Variants in PLD5 observed in about 807,000 individuals in gnomAD.
The protein encoded by PLD5 is inactive phospholipase D5.
PLD5 carries 36 observed loss-of-function variants against 61.1 expected under a neutral mutation model. That is an observed-to-expected ratio of 0.59 (90% CI 0.45 to 0.78). PLD5 has a LOEUF of 0.78. Ranked by LOEUF, PLD5 falls within the 30% of genes least tolerant of loss-of-function variation. PLD5 has a pLI of 0.00. For synonymous variants in PLD5, 243 were observed against 242.8 expected (o/e 1.00, Z -0.01); for missense variants, 515 against 644.4 (o/e 0.80, Z 2.17).
chr1:242,159,999 C>CT (rs201535348), intron 5 of PLD5, among the ~76,000 whole-genome samples: 22 of 150,680 alleles, frequency 1.5e-4, no homozygotes, highest in Non-Finnish European at 2.2e-4. Context: ...TAGCTGAATT[C>CT]TTTTTTTTTC....
chr1:242,089,674 A>C lies in PLD5; in HGVS notation c.*180T>G. 1 of 731,724 alleles carries C rather than the reference A, an allele frequency of 1.4e-6. No individual in the cohort carries two copies. The highest frequency in any genetic ancestry group is 2.1e-6 in the Non-Finnish European group (1 of 465,456). The allele number at this position is 731,724 out of a possible 1,614,324, so 45.3% of individuals were successfully genotyped here. On this transcript the variant is annotated 3_prime_UTR_variant, in exon 10 of 10. Transcript: ENST00000536534. The stretch of plus-strand genomic sequence containing the variant: ...AGAGGTAACAAATACAAAAGTCTTA[A>C]TTTTAGTGTACACGACGCTAAGATA...
At chr1:242,430,301 C>T (rs530648555) in intron 1 of PLD5, among the ~76,000 whole-genome samples, 6 of 152,254 alleles carry the variant, frequency 3.9e-5, no homozygotes, top group African/African-American at 1.4e-4. Flanking sequence ...TCAGTGAGGG[C>T]CCACTTCTGG....
chr1:242,276,729 C>T (rs1674436019), intron 3 of PLD5, among the ~76,000 whole-genome samples: 2 of 151,936 alleles, frequency 1.3e-5, no homozygotes, highest in African/African-American at 4.8e-5. Context: ...ATTGACAGTA[C>T]TCATTTTTTG....
At chr1:242,221,421 T>C (rs1335946763) in intron 4 of PLD5, among the ~76,000 whole-genome samples, 1 of 152,180 alleles carries the variant, frequency 6.6e-6, no homozygotes, top group Non-Finnish European at 1.5e-5. Context: ...CAGGCACACA[T>C]AAGACTGTAT....
At chr1:242,495,063 C>A (rs1440358174) in intron 1 of PLD5, among the ~76,000 whole-genome samples, 1 of 152,062 alleles carries the variant, frequency 6.6e-6, no homozygotes, top group Non-Finnish European at 1.5e-5. Flanking sequence ...ACTATTCTCA[C>A]AAGCACACCA....
At chr1:242,383,335 A>G (rs1301800769) in intron 1 of PLD5, among the ~76,000 whole-genome samples, 1 of 152,068 alleles carries the variant, frequency 6.6e-6, no homozygotes, top group Non-Finnish European at 1.5e-5. Context: ...TATTAATTCA[A>G]TTTATTTTTA....
intron 1 of PLD5, among the ~76,000 whole-genome samples, chr1:242,460,733 T>C (rs577088041): frequency 6.2e-4 from 95 of 152,218 alleles, no homozygotes; most frequent in African/African-American, 2.1e-3. Context: ...AAATTTTCAG[T>C]AATATTTGGG....
chr1:242,524,343 G>C lies in PLD5; in HGVS notation c.-67C>G, dbSNP rs1473647854. On this transcript the variant is annotated 5_prime_UTR_variant, in exon 1 of 10. Coordinates refer to ENST00000536534, the MANE Select transcript of PLD5 (RefSeq NM_001372062.1). ...GACGGGCGCGCGGGGAGCCGGGCGC[G>C]GAGGGCGAGCGGGAGGCCCAGCGGG... The C allele has an allele frequency of 1.5e-6, 2 of 1,329,638 alleles. No homozygotes were observed. The highest frequency in any genetic ancestry group is 3.7e-5 in the South Asian group (2 of 54,208). 82.4% of individuals were successfully genotyped at this position (1,329,638 alleles called of 1,614,324 possible).
chr1:242,165,708 G>T (rs986282942), intron 5 of PLD5, among the ~76,000 whole-genome samples: 7 of 152,144 alleles, frequency 4.6e-5, no homozygotes, highest in Non-Finnish European at 7.3e-5. Context: ...CAAAAGCAGG[G>T]CTCGGTCATC....
At chr1:242,125,080 C>T (rs74357627) in intron 5 of PLD5, among the ~76,000 whole-genome samples, 156 of 152,186 alleles carry the variant, frequency 1.0e-3, no homozygotes, top group African/African-American at 3.4e-3. Flanking sequence ...GTCAGACTGC[C>T]TGGATTGAGG....
chr1:242,207,736 T>TTTTATATATATTTATATATA (rs1481175575), intron 5 of PLD5, among the ~76,000 whole-genome samples: 116 of 97,118 alleles, frequency 1.2e-3, no homozygotes, highest in Non-Finnish European at 1.8e-3. Flanking sequence ...GAAATCGATG[T>TTTTATATATATTTATATATA]TTTATATATA....
intron 5 of PLD5, among the ~76,000 whole-genome samples, chr1:242,201,673 T>C (rs1292047654): frequency 6.6e-6 from 1 of 152,106 alleles, no homozygotes; most frequent in African/African-American, 2.4e-5. Flanking sequence ...TTTTTAATAA[T>C]AAAAATTTAA....
At chr1:242,472,308 A>G (rs144218701) in intron 1 of PLD5, among the ~76,000 whole-genome samples, 1 of 152,194 alleles carries the variant, frequency 6.6e-6, no homozygotes, top group Non-Finnish European at 1.5e-5. Context: ...ATGAATAAGG[A>G]GCACACTTTG....
intron 2 of PLD5, among the ~76,000 whole-genome samples, chr1:242,293,147 AAG>A (rs1675464359): frequency 6.6e-6 from 1 of 152,220 alleles, no homozygotes; most frequent in South Asian, 2.1e-4. Context: ...TTCTTTAAAA[AAG>A]AGAATAGAGT....
At chr1:242,357,489 C>CTT (rs1274414654) in intron 1 of PLD5, among the ~76,000 whole-genome samples, 66 of 139,568 alleles carry the variant, frequency 4.7e-4, no homozygotes, top group African/African-American at 1.6e-3. Flanking sequence ...GACATTTTTT[C>CTT]TTTTTTTTTT....
At chr1:242,143,620 C>T (rs1385114839) in intron 5 of PLD5, among the ~76,000 whole-genome samples, 2 of 152,132 alleles carry the variant, frequency 1.3e-5, no homozygotes, top group South Asian at 2.1e-4. Flanking sequence ...ATATAAACCC[C>T]GAGGAGGGAA....
At chr1:242,449,323 T>C (rs1191929973) in intron 1 of PLD5, 2 of 1,535,940 alleles carry the variant, frequency 1.3e-6, no homozygotes, top group Non-Finnish European at 1.7e-6. Flanking sequence ...GGTAACACAC[T>C]AGGTCTGTAG....
At chr1:242,147,572 T>G (rs2148808405) in intron 5 of PLD5, 1 of 152,348 alleles carries the variant, frequency 6.6e-6, no homozygotes, top group East Asian at 1.9e-4. Flanking sequence ...TATGTTTAAC[T>G]TCTTAAGAAT....
rs141155291 is a variant in PLD5 at position 242,219,989 on chromosome 1, T to C, written c.734A>G (p.Gln245Arg). 4.5e-4 allele frequency: 725 copies of C among 1,613,286 alleles called. 1 individual carries two copies. The highest frequency in any genetic ancestry group is 5.8e-4 in the Admixed American group (35 of 60,020). ...SAGLDWQSLG[Q>R]MKELGVIFYN... The stretch of plus-strand genomic sequence containing the variant: ...GTTTACATAACGTAGAAAGCTTACC[T>C]GTCCCAGGGATTGCCAGTCCAAACC... The change falls in exon 5 of 10, where the codon CAG (glutamine) becomes CGG (arginine). Residue 245 changes from glutamine (Q) to arginine (R), a missense_variant and splice_region_variant. By Grantham distance (43) the Gln-to-Arg change is conservative. This residue lies in a region of PLD5 where 450 missense variants were observed against 598.1 expected (regional missense o/e 0.75). Transcript: ENST00000536534.
Sources: allele counts gnomAD v4.1 joint callset (sites outside exome capture counted in the v4.1 genomes callset), GRCh38; gene constraint gnomAD v4.1.1; regional missense constraint gnomAD v4.1.1; transcripts MANE v1.5; gene names NCBI Gene and HGNC (gene_info 2026-07-23, HGNC 2026-07-21).